The following ZNF365 variants were observed in gnomAD, a reference collection of about 807,000 sequenced individuals.
ZNF365 encodes the protein protein ZNF365.
Under a neutral mutation model 35.0 loss-of-function variants are expected in ZNF365, and 22 were observed. The ratio of observed to expected loss-of-function variants is 0.63; its 90% CI spans 0.45 to 0.90. The LOEUF (loss-of-function observed/expected upper bound fraction) is 0.90, where lower values mean the gene tolerates loss of function less well. Ranked by LOEUF, ZNF365 falls within the 40% of genes least tolerant of loss-of-function variation. The pLI, the probability that ZNF365 is intolerant of heterozygous loss-of-function variation, is 0.00. For missense variants in ZNF365, 448 were observed against 500.3 expected (o/e 0.90, Z 1.00); for synonymous variants, 188 against 196.2 (o/e 0.96, Z 0.35).
At chr10:62,426,695 G>C (rs951427898) in intron 3 of ZNF365, among the ~76,000 whole-genome samples, 2 of 152,122 alleles carry the variant, frequency 1.3e-5, no homozygotes, top group African/African-American at 4.8e-5. Context: ...AGGGCAAACA[G>C]TTTAGGATTG....
chr10:62,374,937 T>C (rs1285789523), intron 1 of ZNF365, among the ~76,000 whole-genome samples: 1 of 152,154 alleles, frequency 6.6e-6, no homozygotes, highest in African/African-American at 2.4e-5. Context: ...AAACCAGTGG[T>C]TAAACATCCC....
intron 4 of ZNF365, among the ~76,000 whole-genome samples, chr10:62,460,819 T>C (rs1017270102): frequency 6.6e-6 from 1 of 152,134 alleles, no homozygotes; most frequent in African/African-American, 2.4e-5. Flanking sequence ...TGGGGCAGCA[T>C]TGGCTTTACA....
In ZNF365 at chr10:62,401,488, G is replaced by A. The variant is rs542861879; in HGVS notation, c.*1699G>A. ...TCTTCACTTTGACTTTCAGTTTATG[G>A]GGGGGGTAGATCATTCATGTGATAT... is the stretch of plus-strand genomic sequence containing the variant. On this transcript the variant is annotated 3_prime_UTR_variant, in exon 5 of 5. Transcript: ENST00000395254. 1 of 842,200 alleles carries A rather than the reference G, an allele frequency of 1.2e-6. No individual in the cohort carries two copies. The highest frequency in any genetic ancestry group is 5.9e-5 in the South Asian group (1 of 16,958). The allele number at this position is 842,200 out of a possible 1,614,324, so 52.2% of individuals were successfully genotyped here.
rs755482256 is a variant in ZNF365, at chr10:62,459,885, C to T, written c.981+88C>T. The T allele has an allele frequency of 1.5e-4, 169 of 1,143,344 alleles. 1 individual carries two copies. In the Admixed American group the frequency reaches 1.5e-3, roughly 10 times the overall value. The allele number at this position is 1,143,344 out of a possible 1,614,324, so 70.8% of individuals were successfully genotyped here. ...TCCATATGAGAGAGACTGGAAGGGG[C>T]GCAGCAGGCCATTGGTTTCTGTATG... is the stretch of plus-strand genomic sequence containing the variant. On this transcript the variant is annotated intron_variant, in intron 4 of 4. Transcript: ENST00000395255.
chr10:62,415,745 A>G lies in ZNF365; in HGVS notation c.924+27169A>G, dbSNP rs1399198834. Among the ~76,000 whole-genome samples the G allele has an allele frequency of 2.6e-5, 4 of 152,112 alleles. No homozygotes were observed. The South Asian group carries it at 6.2e-4, about 24-fold the overall frequency. ...GTGTGTTTGAGGCTCCTCATCTTCAATTCTCTACAGACCCTCAAGACCACA... is the reference window on the plus strand; with the variant it reads ...GTGTGTTTGAGGCTCCTCATCTTCAGTTCTCTACAGACCCTCAAGACCACA... On this transcript the variant is annotated intron_variant, in intron 3 of 4. Transcript: ENST00000395255.
intron 1 of ZNF365, 149 bp from the exon 2 acceptor site, chr10:62,376,032 T>A: frequency 2.6e-6 from 2 of 779,218 alleles, no homozygotes. Flanking sequence ...ATTTGGCCCA[T>A]GGGCTGTAGG....
At chr10:62,441,791 C>T (rs752042663) in intron 3 of ZNF365, among the ~76,000 whole-genome samples, 1 of 152,000 alleles carries the variant, frequency 6.6e-6, no homozygotes, top group Non-Finnish European at 1.5e-5. Flanking sequence ...TGAATTGAAT[C>T]GAAGAAAGTT....
intron 3 of ZNF365, among the ~76,000 whole-genome samples, chr10:62,434,526 C>T (rs1168548280): frequency 6.6e-6 from 1 of 152,140 alleles, no homozygotes; most frequent in Non-Finnish European, 1.5e-5. Context: ...CATTTTCTCT[C>T]TGGCATATTA....
intron 3 of ZNF365, among the ~76,000 whole-genome samples, chr10:62,433,011 C>T (rs1022824460): frequency 6.6e-6 from 1 of 152,046 alleles, no homozygotes; most frequent in Admixed American, 6.6e-5. Context: ...ACAGCAAAAC[C>T]ACTCCACACT....
intron 4 of ZNF365, among the ~76,000 whole-genome samples, chr10:62,463,580 A>T (rs544315389): frequency 1.3e-5 from 2 of 152,246 alleles, no homozygotes; most frequent in African/African-American, 2.4e-5. Context: ...TCAGCTTAGT[A>T]ATAACTATAA....
intron 3 of ZNF365, among the ~76,000 whole-genome samples, chr10:62,446,682 GA>G (rs1006022186): frequency 3.3e-5 from 5 of 152,076 alleles, no homozygotes; most frequent in Admixed American, 6.6e-5. Flanking sequence ...AATTTTGGGG[GA>G]AAAAATCCAT....
chr10:62,386,741 T>A (rs1021308417), intron 2 of ZNF365, among the ~76,000 whole-genome samples: 2 of 152,172 alleles, frequency 1.3e-5, no homozygotes, highest in Non-Finnish European at 2.9e-5. Context: ...AAAGATCTTA[T>A]GTAAAACTCT....
At chr10:62,421,442 C>A (rs1840166771) in intron 3 of ZNF365, among the ~76,000 whole-genome samples, 1 of 152,116 alleles carries the variant, frequency 6.6e-6, no homozygotes, top group South Asian at 2.1e-4. Context: ...GACCATGAAT[C>A]CTCTATACTC....
chr10:62,472,557 C>T (rs978540369), intron 4 of ZNF365, among the ~76,000 whole-genome samples: 2 of 152,132 alleles, frequency 1.3e-5, no homozygotes, highest in African/African-American at 4.8e-5. Flanking sequence ...CTGATGATTG[C>T]AAAGTGAGGA....
At chr10:62,446,709 T>G (rs571739426) in intron 3 of ZNF365, among the ~76,000 whole-genome samples, 38 of 152,146 alleles carry the variant, frequency 2.5e-4, no homozygotes, top group Non-Finnish European at 5.1e-4. Context: ...AAAGCCTGTG[T>G]GGTTGACTCT....
intron 3 of ZNF365, among the ~76,000 whole-genome samples, chr10:62,416,540 G>A (rs946097798): frequency 3.3e-5 from 5 of 152,102 alleles, no homozygotes; most frequent in African/African-American, 1.2e-4. Flanking sequence ...GATTAAAGAT[G>A]TTTGAAAGGT....
intron 4 of ZNF365, among the ~76,000 whole-genome samples, chr10:62,468,810 T>C (rs1210080999): frequency 6.6e-6 from 1 of 152,208 alleles, no homozygotes; most frequent in Non-Finnish European, 1.5e-5. Context: ...CAGTTCAGCT[T>C]ACACAATTCT....
rs1840357051 is a variant in ZNF365, at chr10:62,433,051, A to G, written c.925-26690A>G. On this transcript the variant is annotated intron_variant, in intron 3 of 4. Coordinates refer to the ZNF365 transcript ENST00000395255. The stretch of plus-strand genomic sequence containing the variant: ...GTTTTCCCTAAAAACTCAGATTATC[A>G]GGGAAATCAAACCAAAAGGAACTTC... Among the ~76,000 whole-genome samples, 4 of 152,224 alleles carry G rather than the reference A, an allele frequency of 2.6e-5. No individual in the cohort carries two copies. The South Asian group carries it at 8.3e-4, about 31-fold the overall frequency.
chr10:62,415,881 C>G lies in ZNF365; in HGVS notation c.924+27305C>G, dbSNP rs1369237634. Reference sequence around the variant, plus strand: ...AAGTGACTGCCTCTTACCAACTCACCTTTCTGAGGTTCTCTCCTGTTTAGA... The same window carrying G: ...AAGTGACTGCCTCTTACCAACTCACGTTTCTGAGGTTCTCTCCTGTTTAGA... On this transcript the variant is annotated intron_variant, in intron 3 of 4. Transcript: ENST00000395255. 2.6e-5 allele frequency among the ~76,000 whole-genome samples: 4 copies of G among 152,166 alleles called. No homozygotes were observed. The East Asian group carries it at 7.7e-4, about 29-fold the overall frequency.
Sources: allele counts gnomAD v4.1 joint callset (sites outside exome capture counted in the v4.1 genomes callset), GRCh38; gene constraint gnomAD v4.1.1; transcripts MANE v1.5; gene names NCBI Gene and HGNC (gene_info 2026-07-23, HGNC 2026-07-21).